Variants in SMURF2 observed in about 807,000 individuals in gnomAD.
SMURF2 encodes the protein SMAD specific E3 ubiquitin protein ligase 2, also known as E3 ubiquitin-protein ligase SMURF2.
SMURF2 carries 48 observed loss-of-function variants against 109.6 expected under a neutral mutation model. The observed-to-expected ratio is 0.44, with a 90% CI of 0.35 to 0.56. SMURF2 has a LOEUF of 0.56. SMURF2 is among the 20% of genes least tolerant of loss of function. SMURF2 has a pLI of 0.01. For synonymous variants in SMURF2, 288 were observed against 317.1 expected (o/e 0.91, Z 0.97); for missense variants, 575 against 909.0 (o/e 0.63, Z 4.72).
At chr17:64,603,061 CAACTCAAAAGTG>C (rs1969919934) in intron 2 of SMURF2, among the ~76,000 whole-genome samples, 1 of 151,318 alleles carries the variant, frequency 6.6e-6, no homozygotes, top group Non-Finnish European at 1.5e-5. Context: ...ATAACATTTT[CAACTCAAAAGTG>C]TGCTACCTTC....
intron 1 of SMURF2, among the ~76,000 whole-genome samples, chr17:64,634,610 C>T (rs1253820140): frequency 6.6e-6 from 1 of 152,216 alleles, no homozygotes; most frequent in Non-Finnish European, 1.5e-5. Context: ...TCTACTCCAA[C>T]CACCTTCCAT....
intron 1 of SMURF2, among the ~76,000 whole-genome samples, chr17:64,644,682 C>T (rs896563243): frequency 5.3e-5 from 8 of 150,594 alleles, no homozygotes; most frequent in African/African-American, 1.5e-4. Context: ...GAGGCTGAGA[C>T]GGGCGGATCA....
chr17:64,600,811 T>A lies in SMURF2; in HGVS notation c.92-2321A>T, dbSNP rs1208313476. ...TATCTTGTTATTTTCACTCTACTAT[T>A]TAAATAAATAAACATATAAATGTGT... On this transcript the variant is annotated intron_variant, in intron 2 of 18. Transcript: ENST00000262435. Among the ~76,000 whole-genome samples, 24 of 152,192 alleles carry A rather than the reference T, an allele frequency of 1.6e-4. 1 individual carries two copies. Among genetic ancestry groups the A allele is most frequent in the African/African-American group, 5.5e-4 (23 of 41,532 alleles).
chr17:64,638,859 A>G (rs1555692337), intron 1 of SMURF2, among the ~76,000 whole-genome samples: 2 of 152,216 alleles, frequency 1.3e-5, no homozygotes, highest in African/African-American at 4.8e-5. Context: ...TTGACTATAC[A>G]CAAAGAGGCT....
At chr17:64,593,721 G>A in intron 3 of SMURF2, 148 bp from the exon 4 acceptor site, 1 of 598,948 alleles carries the variant, frequency 1.7e-6, no homozygotes, top group Non-Finnish European at 2.6e-6. Context: ...TTAATCCACA[G>A]GATTGAATTT....
intron 1 of SMURF2, among the ~76,000 whole-genome samples, chr17:64,627,486 G>T (rs1970283851): frequency 6.6e-6 from 1 of 152,140 alleles, no homozygotes; most frequent in Non-Finnish European, 1.5e-5. Context: ...GATGAGTTGA[G>T]AAACAGATTA....
intron 1 of SMURF2, among the ~76,000 whole-genome samples, chr17:64,607,276 C>T (rs1420670450): frequency 6.6e-6 from 1 of 152,044 alleles, no homozygotes; most frequent in African/African-American, 2.4e-5. Flanking sequence ...ATTACTTACA[C>T]GGATGGATGC....
chr17:64,553,469 C>T (rs1025148168), intron 15 of SMURF2, among the ~76,000 whole-genome samples: 1 of 151,842 alleles, frequency 6.6e-6, no homozygotes, highest in African/African-American at 2.4e-5. Context: ...CTTGCCACTG[C>T]ACTCCAGCCT....
intron 1 of SMURF2, among the ~76,000 whole-genome samples, chr17:64,629,332 C>T (rs1406045454): frequency 6.6e-6 from 1 of 152,114 alleles, no homozygotes; most frequent in Non-Finnish European, 1.5e-5. Flanking sequence ...GAGACCCTGT[C>T]TCTATAAAAA....
intron 1 of SMURF2, among the ~76,000 whole-genome samples, chr17:64,611,811 T>C (rs1358124309): frequency 6.6e-6 from 1 of 152,196 alleles, no homozygotes; most frequent in African/African-American, 2.4e-5. Context: ...AAAGGTCTTC[T>C]GGCCCAAACT....
intron 5 of SMURF2, 123 bp from the exon 6 acceptor site, chr17:64,586,293 G>T: frequency 1.1e-5 from 6 of 528,782 alleles, no homozygotes; most frequent in South Asian, 3.6e-5. Context: ...TGAACTCTTT[G>T]GTTTCTACTA....
At chr17:64,623,169 A>G (rs1970226619) in intron 1 of SMURF2, among the ~76,000 whole-genome samples, 1 of 152,114 alleles carries the variant, frequency 6.6e-6, no homozygotes, top group Admixed American at 6.6e-5. Context: ...TCTCCAAGCA[A>G]CCCTAGGAAT....
intron 1 of SMURF2, among the ~76,000 whole-genome samples, chr17:64,654,637 C>T (rs1462868061): frequency 6.6e-6 from 1 of 151,952 alleles, no homozygotes; most frequent in Non-Finnish European, 1.5e-5. Context: ...TGAGACCAGC[C>T]TGACCAACAT....
At position 64,571,666 on chromosome 17, in the gene SMURF2, G is replaced by A. The variant is rs1184260276; in HGVS notation, c.1016+132C>T. 3 of 913,746 alleles carry A rather than the reference G, an allele frequency of 3.3e-6. No homozygotes were observed. The East Asian group carries it at 8.3e-5, about 25-fold the overall frequency. 56.6% of individuals were successfully genotyped at this position (913,746 alleles called of 1,614,324 possible). On this transcript the variant is annotated intron_variant, in intron 10 of 18. Coordinates refer to ENST00000262435, the MANE Select transcript of SMURF2 (RefSeq NM_022739.4). ...ACCCCTGGCCTCAAGTGATCCTGCTGCCACGGCCTCCCAAAGCACTGGGAT... is the reference window on the plus strand; with the variant it reads ...ACCCCTGGCCTCAAGTGATCCTGCTACCACGGCCTCCCAAAGCACTGGGAT...
rs782239651 is a variant in SMURF2 at position 64,571,845 on chromosome 17, T to C, written c.969A>G (p.Thr323=). The C allele has an allele frequency of 3.7e-6, 6 of 1,613,434 alleles. No individual in the cohort carries two copies. In the East Asian group the frequency reaches 1.1e-4, roughly 30 times the overall value. Residue 323 remains threonine (T), a synonymous_variant, in exon 10 of 19, where the codon ACA becomes ACG. Coordinates refer to ENST00000262435, the MANE Select transcript of SMURF2 (RefSeq NM_022739.4). ...VYFVDHNNRT[T]QFTDPRLSAN... is the part of the protein sequence containing the mutation. ...CAGACAGCCGAGGATCTGTAAATTG[T>C]GTTGTTCTGTTGTTATGGTCAACGA...
At chr17:64,575,157 CTA>C (rs1422638813) in intron 9 of SMURF2, among the ~76,000 whole-genome samples, 3 of 145,848 alleles carry the variant, frequency 2.1e-5, no homozygotes, top group Non-Finnish European at 4.5e-5. Context: ...TACTTTTTAT[CTA>C]TTTATTTTTT....
rs1555683156 is a variant in SMURF2, at chr17:64,547,056, T to C, written c.2071+544A>G. Among the ~76,000 whole-genome samples the C allele has an allele frequency of 6.6e-6, 1 of 152,204 alleles. No homozygotes were observed. The highest frequency in any genetic ancestry group is 1.5e-5 in the Non-Finnish European group (1 of 68,034). On this transcript the variant is annotated intron_variant, in intron 17 of 18. Transcript: ENST00000262435. This position sits in a 1 kb window ranked among gnomAD's most constrained non-coding sequence, Gnocchi z 4.2. The stretch of plus-strand genomic sequence containing the variant: ...AGTGAAGCACCACAATCATTAGCAA[T>C]ATTACCAGCTCCTCCCAAAATTAAC...
In SMURF2 at chr17:64,658,100, A is replaced by T. The variant is rs147985172; in HGVS notation, c.52+3729T>A. On this transcript the variant is annotated intron_variant, in intron 1 of 18. Coordinates refer to ENST00000262435, the MANE Select transcript of SMURF2 (RefSeq NM_022739.4). ...CCGGGTGCCGTGGCTCATGCCTGTA[A>T]TCCCAGCACACTGGAAGGCTAAGGC... 9.2e-3 allele frequency among the ~76,000 whole-genome samples: 1,394 copies of T among 152,280 alleles called. 27 individuals are homozygous for T. Among genetic ancestry groups the T allele is most frequent in the African/African-American group, 0.032 (1,317 of 41,546 alleles).
chr17:64,557,903 ACT>A (rs1371508038), intron 12 of SMURF2, among the ~76,000 whole-genome samples, 181 bp from the exon 13 acceptor site: 18 of 152,010 alleles, frequency 1.2e-4, no homozygotes, highest in African/African-American at 3.1e-4. Context: ...GCATATAAAA[ACT>A]CTATTATATT....
Sources: allele counts gnomAD v4.1 joint callset (sites outside exome capture counted in the v4.1 genomes callset), GRCh38; gene constraint gnomAD v4.1.1; non-coding constraint Gnocchi (gnomAD v3.1); transcripts MANE v1.5; gene names NCBI Gene and HGNC (gene_info 2026-07-23, HGNC 2026-07-21).